AHDC1: variants seen among roughly 807,000 people sequenced by gnomAD.
AHDC1 encodes transcription factor Gibbin.
Under a neutral mutation model 87.9 loss-of-function variants are expected in AHDC1, and 7 were observed. The ratio of observed to expected loss-of-function variants is 0.08; its 90% CI spans 0.05 to 0.15. The LOEUF (loss-of-function observed/expected upper bound fraction) is 0.15. AHDC1 is among the 10% of genes least tolerant of loss of function. AHDC1 has a pLI of 1.00. For synonymous variants in AHDC1, 1,051 were observed against 1,006.8 expected, an observed-to-expected ratio of 1.04 and a Z score of -0.83; for missense variants, 1,841 against 2,253.2, an observed-to-expected ratio of 0.82 and a Z score of 3.70.
In AHDC1 at chr1:27,562,919, G is replaced by A. The variant is rs1250096038; in HGVS notation, c.-628-4036C>T. ...ACAGCCAGAGACAGGCGCACAAGTT[G>A]GTGACAACCCTCCTAACGGGATGAA... On this transcript the variant is annotated intron_variant, in intron 3 of 8. Coordinates refer to ENST00000673934, the MANE Select transcript of AHDC1 (RefSeq NM_001371928.1). This position sits in a 1 kb window ranked among gnomAD's most constrained non-coding sequence, Gnocchi z 4.4. Among the ~76,000 whole-genome samples the A allele has an allele frequency of 1.3e-5, 2 of 152,106 alleles. No individual in the cohort carries two copies. Among genetic ancestry groups the A allele is most frequent in the Non-Finnish European group, 2.9e-5 (2 of 68,032 alleles).
rs575244848 is a variant in AHDC1, at chr1:27,565,249, C to G, written c.-628-6366G>C. On this transcript the variant is annotated intron_variant, in intron 3 of 8. Transcript: ENST00000673934. This position sits in a 1 kb window ranked among gnomAD's most constrained non-coding sequence, Gnocchi z 4.6. ...CCTCCCCCAGGCACCCCTACTCCCC[C>G]GCCTGGCCCCTTGGTGAGTAGTGCC... 6.6e-6 allele frequency among the ~76,000 whole-genome samples: 1 copy of G among 152,146 alleles called. No individual in the cohort carries two copies. The highest frequency in any genetic ancestry group is 1.5e-5 in the Non-Finnish European group (1 of 68,000).
chr1:27,554,351 C>T (rs894064298), intron 5 of AHDC1, among the ~76,000 whole-genome samples: 1 of 152,204 alleles, frequency 6.6e-6, no homozygotes, highest in South Asian at 2.1e-4. Context: ...TTCATTGCAA[C>T]TATAATCAAT....
intron 3 of AHDC1, among the ~76,000 whole-genome samples, chr1:27,571,789 T>C (rs1040067406): frequency 6.8e-5 from 10 of 147,344 alleles, no homozygotes; most frequent in African/African-American, 2.5e-4. Context: ...CCCGCCGGGG[T>C]GGGTTTGCAG....
At chr1:27,601,673 C>A (rs1237992702) in intron 3 of AHDC1, among the ~76,000 whole-genome samples, 1 of 152,254 alleles carries the variant, frequency 6.6e-6, no homozygotes, top group Admixed American at 6.5e-5. Context: ...CATGCACATG[C>A]CACCTGGGGG....
At chr1:27,574,204 C>T (rs1014112427) in intron 3 of AHDC1, among the ~76,000 whole-genome samples, 1 of 152,212 alleles carries the variant, frequency 6.6e-6, no homozygotes, top group South Asian at 2.1e-4. Flanking sequence ...TCTCTGCCAG[C>T]CCCCGCCCCA....
intron 3 of AHDC1, among the ~76,000 whole-genome samples, chr1:27,564,388 C>G (rs540105801): frequency 6.6e-6 from 1 of 152,370 alleles, no homozygotes; most frequent in African/African-American, 2.4e-5. Context: ...GGCTCCAGCC[C>G]GCCTCCCCTG....
intron 3 of AHDC1, among the ~76,000 whole-genome samples, chr1:27,594,014 G>A (rs933266932): frequency 2.0e-5 from 3 of 152,148 alleles, no homozygotes; most frequent in African/African-American, 7.2e-5. Flanking sequence ...TTTGGGGGCT[G>A]TGAGCAATAC....
At chr1:27,583,105 T>G (rs1049580372) in intron 3 of AHDC1, among the ~76,000 whole-genome samples, 3 of 152,104 alleles carry the variant, frequency 2.0e-5, no homozygotes, top group Admixed American at 1.3e-4. Flanking sequence ...TGACCTCAGG[T>G]AATCCGCCCA....
intron 3 of AHDC1, among the ~76,000 whole-genome samples, chr1:27,578,998 A>G (rs1003999785): frequency 6.6e-6 from 1 of 151,408 alleles, no homozygotes; most frequent in African/African-American, 2.4e-5. Flanking sequence ...ACCCGGACAC[A>G]TATATGGCTT....
At chr1:27,583,642 T>C (rs1392255075) in intron 3 of AHDC1, among the ~76,000 whole-genome samples, 1 of 152,142 alleles carries the variant, frequency 6.6e-6, no homozygotes, top group Non-Finnish European at 1.5e-5. Flanking sequence ...CTAACCCGTC[T>C]CTTAATCAGG....
chr1:27,549,761 T>G lies in AHDC1; in HGVS notation c.2355A>C (p.Gly785=). ...GAAACCCACAGTTTCGGCCAGCTTG[T>G]CCGCCTGGGTGCCCATGGTGAGGGG... The part of the protein sequence containing the change: ...GWAPHHGHPG[G]QAGRNCGFQG... The change falls in exon 8 of 9, where the codon GGA becomes GGC. Residue 785 remains glycine (G), a synonymous_variant. Transcript: ENST00000673934. 1 of 1,613,120 alleles carries G rather than the reference T, an allele frequency of 6.2e-7. No individual in the cohort carries two copies. The highest frequency in any genetic ancestry group is 8.5e-7 in the Non-Finnish European group (1 of 1,179,948).
At chr1:27,541,692 T>C (rs1339881753) in intron 8 of AHDC1, among the ~76,000 whole-genome samples, 1 of 149,318 alleles carries the variant, frequency 6.7e-6, no homozygotes, top group African/African-American at 2.5e-5. Context: ...TGCAGTGGTG[T>C]GATCTTGGCT....
chr1:27,566,663 G>A (rs1234630984), intron 3 of AHDC1, among the ~76,000 whole-genome samples: 2 of 134,316 alleles, frequency 1.5e-5, no homozygotes, highest in Non-Finnish European at 3.2e-5. Context: ...GTAGGCAGAG[G>A]TGAGGAGGGA....
chr1:27,561,294 G>C lies in AHDC1; in HGVS notation c.-628-2411C>G, dbSNP rs1167499305. ...ATCTTGGCCCTGTTCTCCTACATAT[G>C]GTGGTGGTGGGTGGGAGGAGTCTGC... On this transcript the variant is annotated intron_variant, in intron 3 of 8. Transcript: ENST00000673934. This position sits in a 1 kb window ranked among gnomAD's most constrained non-coding sequence, Gnocchi z 4.2. 6.6e-6 allele frequency among the ~76,000 whole-genome samples: 1 copy of C among 152,178 alleles called. No individual in the cohort carries two copies. The highest frequency in any genetic ancestry group is 1.5e-5 in the Non-Finnish European group (1 of 68,026).
Position 27,551,022 on chromosome 1 carries a change from A to G in AHDC1, c.1094T>C (p.Leu365Pro). ...GGGGCCGTGCGGTGAGCACAAGTCC[A>G]GGCGCAAGGGCTCGGCCAGTGGGCA... ...GHCPLAEPLR[L>P]DLCSPHGPPG... The change falls in exon 8 of 9, where the codon CTG (leucine) becomes CCG (proline). Residue 365 changes from leucine to proline, a missense_variant. Physicochemically the swap from Leu to Pro is moderately conservative, Grantham distance 98. Coordinates refer to ENST00000673934, the MANE Select transcript of AHDC1 (RefSeq NM_001371928.1). 6.4e-7 allele frequency: 1 copy of G among 1,562,172 alleles called. No individual in the cohort carries two copies. The highest frequency in any genetic ancestry group is 8.6e-7 in the Non-Finnish European group (1 of 1,159,102).
intron 3 of AHDC1, among the ~76,000 whole-genome samples, chr1:27,572,912 G>T (rs768982681): frequency 3.9e-5 from 6 of 152,212 alleles, no homozygotes; most frequent in Non-Finnish European, 8.8e-5. Context: ...AGGCCGACTG[G>T]TCACTGACAC....
chr1:27,567,824 GT>G (rs2020391669), intron 3 of AHDC1, among the ~76,000 whole-genome samples: 1 of 152,174 alleles, frequency 6.6e-6, no homozygotes, highest in African/African-American at 2.4e-5. Flanking sequence ...TGGGGTTCTC[GT>G]CCAGATTTGT....
chr1:27,564,435 A>G (rs2020233536), intron 3 of AHDC1, among the ~76,000 whole-genome samples: 1 of 152,236 alleles, frequency 6.6e-6, no homozygotes, highest in Non-Finnish European at 1.5e-5. Flanking sequence ...CATCTTCCTC[A>G]TCTGTACAAA....
rs1244847470 is a variant in AHDC1, at chr1:27,551,420, G to C, written c.696C>G (p.Asp232Glu). Residue 232 changes from aspartate (D) to glutamate (E), a missense_variant, in exon 8 of 9, where the codon GAC becomes GAG. Asp to Glu is a conservative substitution (Grantham distance 45). Transcript: ENST00000673934. ...CAGCAAGTTCTGAGTAATCAGTGCTGTCTGGCTCAGGCTCTGGGGGCAGAC... is the reference window on the plus strand; with the variant it reads ...CAGCAAGTTCTGAGTAATCAGTGCTCTCTGGCTCAGGCTCTGGGGGCAGAC... ...ATGLPPEPEPDSTDYSELADA... is the reference protein window; with the variant it reads ...ATGLPPEPEPESTDYSELADA... 6.2e-7 allele frequency: 1 copy of C among 1,613,386 alleles called. No homozygotes were observed. The highest frequency in any genetic ancestry group is 1.1e-5 in the South Asian group (1 of 91,086).
Sources: allele counts gnomAD v4.1 joint callset (sites outside exome capture counted in the v4.1 genomes callset), GRCh38; gene constraint gnomAD v4.1.1; non-coding constraint Gnocchi (gnomAD v3.1); transcripts MANE v1.5; gene names NCBI Gene and HGNC (gene_info 2026-07-23, HGNC 2026-07-21).